The following MEIS3 variants were observed in gnomAD, a reference collection of about 807,000 sequenced individuals.
MEIS3 encodes the protein homeobox protein Meis3.
A neutral mutation model predicts 51.4 loss-of-function variants in MEIS3; 38 were observed. The ratio of observed to expected loss-of-function variants is 0.74; its 90% confidence interval spans 0.57 to 0.97. The LOEUF is 0.97. Among genes scored for constraint, MEIS3 ranks in the 50% least tolerant of loss-of-function variants. The pLI is 0.00. For synonymous variants in MEIS3, 198 were observed against 201.8 expected (o/e 0.98, Z 0.16); for missense variants, 456 against 502.6 (o/e 0.91, Z 0.89).
Position 47,418,157 on chromosome 19 carries a change from C to G in MEIS3, c.13-807G>C, listed in dbSNP as rs116518925. 4.9e-3 allele frequency: 811 copies of G among 164,200 alleles called. 4 individuals carry two copies. The highest frequency in any genetic ancestry group is 0.019 in the African/African-American group (776 of 41,794). 10.2% of individuals were successfully genotyped at this position (164,200 alleles called of 1,614,324 possible). On this transcript the variant is annotated intron_variant, in intron 1 of 12. Transcript: ENST00000558555. ...GTAGGACGACCGCGTCCTGTCGTCA[C>G]AGAACCATGCACCTGGGAAGCCAGG...
At chr19:47,411,641 G>A (rs1260444757) in intron 6 of MEIS3, among the ~76,000 whole-genome samples, 6 of 150,672 alleles carry the variant, frequency 4.0e-5, no homozygotes, top group African/African-American at 1.5e-4. Flanking sequence ...CCTGGGTTCA[G>A]GCGATTCTCC....
chr19:47,404,673 G>C (rs1970735788), intron 12 of MEIS3, among the ~76,000 whole-genome samples: 2 of 152,004 alleles, frequency 1.3e-5, no homozygotes, highest in Admixed American at 1.3e-4. Context: ...AGCCCTCCTT[G>C]AATCCTCTAG....
At chr19:47,421,968 C>T (rs1054296499), upstream of MEIS3, among the ~76,000 whole-genome samples, 26 of 151,790 alleles carry the variant, frequency 1.7e-4, no homozygotes, top group African/African-American at 6.3e-4. Context: ...CACCCGGGCC[C>T]TTCATAAATA....
At chr19:47,419,923 G>A (rs992693777), upstream of MEIS3, among the ~76,000 whole-genome samples, 5 of 152,126 alleles carry the variant, frequency 3.3e-5, no homozygotes, top group Admixed American at 6.5e-5. Flanking sequence ...TGGTCCCACC[G>A]TAGGCTCTCC....
rs775298294 is a variant in MEIS3, at chr19:47,415,077, G to T, written c.421C>A (p.Arg141=). 5 of 1,523,552 alleles carry T rather than the reference G, an allele frequency of 3.3e-6. No individual in the cohort carries two copies. The South Asian group carries it at 3.6e-5, about 11-fold the overall frequency. The allele number at this position is 1,523,552 out of a possible 1,614,324, so 94.4% of individuals were successfully genotyped here. ...TTCTCCAGCTCCAGCAGGTGGAACC[G>T]CAGCACCTGGATGGCCTGGATCATC... ...NLMIQAIQVL[R]FHLLELEKVH... Residue 141 remains arginine, a synonymous_variant, in exon 5 of 13, where the codon CGG becomes AGG. Transcript: ENST00000558555.
At position 47,409,217 on chromosome 19, in the gene MEIS3, G is replaced by T. The variant is rs757817903; in HGVS notation, c.740C>A (p.Pro247His). The T allele has an allele frequency of 6.2e-7, 1 of 1,613,266 alleles. No homozygotes were observed. The highest frequency in any genetic ancestry group is 1.7e-4 in the Middle Eastern group (1 of 5,974). ...GTCCTCATCTTCTCCACCAGAACTG[G>T]GAGAGGCCACGCTGGTGTCCAGCCC... ...GDGLDTSVAS[P>H]SSGGEDEDLD... is the part of the protein sequence containing the mutation. Residue 247 changes from proline to histidine, a missense_variant, in exon 8 of 13, where the codon CCC (proline) becomes CAC (histidine). Transcript: ENST00000558555.
At chr19:47,407,535 A>T in intron 8 of MEIS3, 107 bp from the exon 9 acceptor site, 1 of 1,592,900 alleles carries the variant, frequency 6.3e-7, no homozygotes, top group Non-Finnish European at 8.5e-7. Context: ...GCCCAGGCAG[A>T]CGTCTGGGAG....
chr19:47,417,962 C>A (rs946383644), intron 1 of MEIS3: 4 of 504,406 alleles, frequency 7.9e-6, no homozygotes, highest in Non-Finnish European at 1.0e-5. Context: ...CAGCCCAACA[C>A]CAGGCACAAG....
intron 1 of MEIS3, chr19:47,417,650 A>T (rs1971516789): frequency 2.8e-6 from 2 of 702,734 alleles, no homozygotes; most frequent in Non-Finnish European, 5.2e-6. Flanking sequence ...AAGTGGCGTG[A>T]GAAGACAGTG....
Position 47,419,281 on chromosome 19 carries a change from C to A in MEIS3, c.-200G>T. The A allele has an allele frequency of 3.8e-6, 1 of 262,602 alleles. No individual in the cohort carries two copies. The highest frequency in any genetic ancestry group is 7.1e-5 in the East Asian group (1 of 14,182). The allele number at this position is 262,602 out of a possible 1,614,324, so 16.3% of individuals were successfully genotyped here. A position where few individuals can be genotyped will look rare whatever the true frequency, so the allele number is the denominator to read the frequency against. The stretch of plus-strand genomic sequence containing the variant: ...GGGACTCCGCGCATGGACCCCGGCC[C>A]CCGCCCCCAGCGGGGGTCACGGCCA... On this transcript the variant is annotated 5_prime_UTR_variant, in exon 1 of 13. Coordinates refer to ENST00000558555, the MANE Select transcript of MEIS3 (RefSeq NM_001301059.2).
chr19:47,404,697 C>T (rs896633225), intron 12 of MEIS3, among the ~76,000 whole-genome samples: 3 of 152,118 alleles, frequency 2.0e-5, no homozygotes, highest in African/African-American at 7.2e-5. Flanking sequence ...GGGTCAGATG[C>T]CCCCTCCTCC....
intron 2 of MEIS3, 37 bp downstream of exon 2, chr19:47,417,141 A>T (rs1259353469): frequency 6.5e-7 from 1 of 1,535,620 alleles, no homozygotes; most frequent in African/African-American, 1.4e-5. Context: ...AAAGACAGAG[A>T]GAGAGAGACA....
At position 47,414,869 on chromosome 19, in the gene MEIS3, G is replaced by A. The variant is rs773047905; in HGVS notation, c.448-3C>T. The A allele has an allele frequency of 1.4e-5, 23 of 1,608,772 alleles. No individual in the cohort carries two copies. Among genetic ancestry groups the A allele is most frequent in the Non-Finnish European group, 1.9e-5 (22 of 1,176,990 alleles). On this transcript the variant is annotated splice_region_variant and splice_polypyrimidine_tract_variant and intron_variant, in intron 5 of 12. Coordinates refer to ENST00000558555, the MANE Select transcript of MEIS3 (RefSeq NM_001301059.2). ...AAGTTGTCGCACAGGTCGTGGACCTGGGGGGGCACCGGGGTACTGGGGGGG... is the reference window on the plus strand; with the variant it reads ...AAGTTGTCGCACAGGTCGTGGACCTAGGGGGGCACCGGGGTACTGGGGGGG...
chr19:47,414,888 G>C (rs747414390), intron 5 of MEIS3, 22 bp from the exon 6 acceptor site: 3 of 1,551,944 alleles, frequency 1.9e-6, no homozygotes, highest in Non-Finnish European at 1.8e-6. Flanking sequence ...CCGGGGTACT[G>C]GGGGGGGCCA....
Position 47,419,188 on chromosome 19 carries a change from G to A in MEIS3, c.-107C>T, listed in dbSNP as rs1326678551. The A allele has an allele frequency of 3.7e-6, 3 of 817,830 alleles. No homozygotes were observed. Among genetic ancestry groups the A allele is most frequent in the Non-Finnish European group, 4.9e-6 (3 of 613,232 alleles). The allele number at this position is 817,830 out of a possible 1,614,324, so 50.7% of individuals were successfully genotyped here. A position where few individuals can be genotyped will look rare whatever the true frequency, so the allele number is the denominator to read the frequency against. On this transcript the variant is annotated 5_prime_UTR_variant, in exon 1 of 13. Coordinates refer to ENST00000558555, the MANE Select transcript of MEIS3 (RefSeq NM_001301059.2). ...CGGCCCGCGGTGTTGACGCCAGGGG[G>A]TGGGCAGGAGGCCAGGCGCGCGCCC...
At position 47,406,945 on chromosome 19, in the gene MEIS3, C is replaced by T. The variant is rs1412017774; in HGVS notation, c.1021G>A (p.Gly341Ser). 2 of 1,578,058 alleles carry T rather than the reference C, an allele frequency of 1.3e-6. No individual in the cohort carries two copies. Among genetic ancestry groups the T allele is most frequent in the Non-Finnish European group, 8.6e-7 (1 of 1,163,048 alleles). Residue 341 changes from glycine to serine, a missense_variant, in exon 11 of 13, where the codon GGC becomes AGC. By Grantham distance (56) the Gly-to-Ser change is moderately conservative. Coordinates refer to ENST00000558555, the MANE Select transcript of MEIS3 (RefSeq NM_001301059.2). Reference protein sequence around the residue: ...TGQGAAFSPEGQPIGGYTETQ... With the variant: ...TGQGAAFSPESQPIGGYTETQ... Reference sequence around the variant, plus strand: ...TCGGTATAGCCCCCGATGGGCTGGCCCTCTGGGCTGAAGGCTGCACCCTGC... The same window carrying T: ...TCGGTATAGCCCCCGATGGGCTGGCTCTCTGGGCTGAAGGCTGCACCCTGC...
Position 47,403,215 on chromosome 19 carries a change from G to T in MEIS3, c.*356C>A, listed in dbSNP as rs1291259947. 3 of 307,858 alleles carry T rather than the reference G, an allele frequency of 9.7e-6. No individual in the cohort carries two copies. The highest frequency in any genetic ancestry group is 2.3e-5 in the African/African-American group (1 of 43,544). 19.1% of individuals were successfully genotyped at this position (307,858 alleles called of 1,614,324 possible). A position where few individuals can be genotyped will look rare whatever the true frequency, so the allele number is the denominator to read the frequency against. ...GAGAGTGAAGGAATCTCTCCAAAATGTCGGATCCGGGCGACCCTCCTTCCC... is the reference window on the plus strand; with the variant it reads ...GAGAGTGAAGGAATCTCTCCAAAATTTCGGATCCGGGCGACCCTCCTTCCC... On this transcript the variant is annotated 3_prime_UTR_variant, in exon 13 of 13. Transcript: ENST00000558555.
rs1003937865 is a variant in MEIS3, at chr19:47,404,153, A to G, written c.*18-600T>C. Among the ~76,000 whole-genome samples, 7 of 152,236 alleles carry G rather than the reference A, an allele frequency of 4.6e-5. No individual in the cohort carries two copies. The South Asian group carries it at 1.2e-3, about 27-fold the overall frequency. On this transcript the variant is annotated intron_variant, in intron 12 of 12. Coordinates refer to ENST00000558555, the MANE Select transcript of MEIS3 (RefSeq NM_001301059.2). ...GGGGAGGTCGAGGCTACAGTGAGCCATGATCAGGAGTGGAGAGACAGAAAA... is the reference window on the plus strand; with the variant it reads ...GGGGAGGTCGAGGCTACAGTGAGCCGTGATCAGGAGTGGAGAGACAGAAAA...
At chr19:47,414,964 G>A (rs1478048223) in intron 5 of MEIS3, 87 bp downstream of exon 5, 1 of 986,110 alleles carries the variant, frequency 1.0e-6, no homozygotes, top group South Asian at 1.4e-5. Flanking sequence ...CCGGTGGGGA[G>A]AGAGCTGGAA....
Sources: gnomAD v4.1 joint callset for allele counts (sites outside exome capture counted in the v4.1 genomes callset) on GRCh38, gnomAD v4.1.1 for gene constraint, MANE v1.5 for transcripts, NCBI Gene and HGNC (gene_info 2026-07-23, HGNC 2026-07-21) for gene names.